The following ZNF385B variants were observed in gnomAD, a reference collection of about 807,000 sequenced individuals.
The protein encoded by ZNF385B is zinc finger protein 385B, also known as zinc finger protein 533.
ZNF385B carries 23 observed loss-of-function variants against 39.2 expected under a neutral mutation model. That is an observed-to-expected ratio of 0.59 (90% CI 0.42 to 0.83). The LOEUF is 0.83. ZNF385B is among the 40% of genes least tolerant of loss of function. ZNF385B has a pLI of 0.00. For missense variants in ZNF385B, 552 were observed against 598.9 expected, an observed-to-expected ratio of 0.92 and a Z score of 0.82; for synonymous variants, 205 against 222.6, an observed-to-expected ratio of 0.92 and a Z score of 0.70.
chr2:179,641,553 AT>A (rs922743716), intron 3 of ZNF385B, among the ~76,000 whole-genome samples: 1 of 152,182 alleles, frequency 6.6e-6, no homozygotes, highest in African/African-American at 2.4e-5. Context: ...GGAAATTACC[AT>A]TTTATAAATA....
chr2:179,549,188 T>A, intron 3 of ZNF385B, among the ~76,000 whole-genome samples: 1 of 149,644 alleles, frequency 6.7e-6, no homozygotes. Flanking sequence ...TGTATGGATT[T>A]CCCAAATTTT....
intron 1 of ZNF385B, among the ~76,000 whole-genome samples, chr2:179,837,961 C>T (rs1708337967): frequency 6.6e-6 from 1 of 152,208 alleles, no homozygotes; most frequent in South Asian, 2.1e-4. Flanking sequence ...GAAATTTTAT[C>T]TTTTAACTTT....
intron 3 of ZNF385B, among the ~76,000 whole-genome samples, chr2:179,691,776 T>C (rs1263809702): frequency 6.6e-6 from 1 of 152,182 alleles, no homozygotes; most frequent in Admixed American, 6.5e-5. Flanking sequence ...ACATTTAAAC[T>C]AAAAATTATT....
intron 3 of ZNF385B, among the ~76,000 whole-genome samples, chr2:179,649,767 G>A (rs934032699): frequency 6.6e-6 from 1 of 152,046 alleles, no homozygotes; most frequent in African/African-American, 2.4e-5. Flanking sequence ...AATAAGCATT[G>A]GAGGTTTGGG....
chr2:179,795,709 A>T (rs1479110538), intron 1 of ZNF385B, among the ~76,000 whole-genome samples: 1 of 152,176 alleles, frequency 6.6e-6, no homozygotes, highest in African/African-American at 2.4e-5. Flanking sequence ...TGAAATAAGG[A>T]ATGGTCTCAG....
intron 3 of ZNF385B, among the ~76,000 whole-genome samples, chr2:179,630,788 T>C (rs888034181): frequency 6.6e-5 from 10 of 152,094 alleles, no homozygotes; most frequent in African/African-American, 2.4e-4. Flanking sequence ...ATTAGAGGAA[T>C]GGCTAACTAG....
In ZNF385B at chr2:179,483,415, T is replaced by C. The variant is rs780585420; in HGVS notation, c.572A>G (p.Tyr191Cys). The change falls in exon 6 of 10, where the codon TAC (tyrosine) becomes TGC (cysteine). Residue 191 changes from tyrosine to cysteine, a missense_variant. Transcript: ENST00000410066. The part of the protein sequence containing the change: ...FNSDSQAEAH[Y>C]KGSKHAKKVK... ...CTTCTTGGCATGTTTACTTCCTTTG[T>C]AGTGGGCCTCGGCCTGGCTCTACAA... 6.2e-7 allele frequency: 1 copy of C among 1,614,022 alleles called. No homozygotes were observed. Among genetic ancestry groups the C allele is most frequent in the Non-Finnish European group, 8.5e-7 (1 of 1,179,888 alleles).
chr2:179,838,928 A>AC (rs71401764), intron 1 of ZNF385B, among the ~76,000 whole-genome samples: 1 of 131,068 alleles, frequency 7.6e-6, no homozygotes, highest in African/African-American at 2.8e-5. Context: ...CCAAAAAAAA[A>AC]GGGGGGGGGG....
At chr2:179,827,361 C>A (rs560115028) in intron 1 of ZNF385B, among the ~76,000 whole-genome samples, 9 of 152,110 alleles carry the variant, frequency 5.9e-5, no homozygotes, top group African/African-American at 2.2e-4. Context: ...AATTCTGTCC[C>A]GTAAGCAATA....
chr2:179,596,768 A>G (rs1688034055), intron 3 of ZNF385B, among the ~76,000 whole-genome samples: 2 of 152,204 alleles, frequency 1.3e-5, no homozygotes, highest in South Asian at 4.1e-4. Flanking sequence ...TAGACTGATA[A>G]TATCTCAAAT....
In ZNF385B at chr2:179,443,397, C is replaced by A. The variant is rs756014204; in HGVS notation, c.1314G>T (p.Ala438=). ...ACAGCGCTGAGGACACGGCTGCCGCCGCTGCGAGAGGTGAGGACAGGAAGG... is the reference window on the plus strand; with the variant it reads ...ACAGCGCTGAGGACACGGCTGCCGCAGCTGCGAGAGGTGAGGACAGGAAGG... The part of the protein sequence containing the change: ...APAFLSSPLA[A]AAAVSSALSL... The change falls in exon 10 of 10, where the codon GCG becomes GCT. Residue 438 remains alanine, a synonymous_variant. Coordinates refer to ENST00000410066, the MANE Select transcript of ZNF385B (RefSeq NM_152520.6). 1.2e-6 allele frequency: 2 copies of A among 1,611,700 alleles called. No homozygotes were observed. Among genetic ancestry groups the A allele is most frequent in the Non-Finnish European group, 1.7e-6 (2 of 1,179,260 alleles).
chr2:179,598,040 G>A (rs1360880037), intron 3 of ZNF385B, among the ~76,000 whole-genome samples: 1 of 152,100 alleles, frequency 6.6e-6, no homozygotes, highest in Non-Finnish European at 1.5e-5. Context: ...GGTAATTACA[G>A]TATACCCTGT....
intron 1 of ZNF385B, among the ~76,000 whole-genome samples, chr2:179,830,274 G>A (rs1470361553): frequency 6.6e-6 from 1 of 152,230 alleles, no homozygotes; most frequent in Non-Finnish European, 1.5e-5. Context: ...ATTCATTGCT[G>A]TGGAGATGCA....
chr2:179,489,767 G>A (rs2105639864), intron 5 of ZNF385B, among the ~76,000 whole-genome samples: 1 of 152,292 alleles, frequency 6.6e-6, no homozygotes, highest in South Asian at 2.1e-4. Context: ...TTTTTCTGCT[G>A]ATATTTGCAA....
intron 3 of ZNF385B, among the ~76,000 whole-genome samples, chr2:179,609,277 T>C (rs1163650454): frequency 1.3e-5 from 2 of 152,022 alleles, no homozygotes; most frequent in Non-Finnish European, 2.9e-5. Context: ...TCTCCATGAG[T>C]TCAATTGTGT....
intron 1 of ZNF385B, among the ~76,000 whole-genome samples, chr2:179,831,651 G>C (rs747781526): frequency 2.0e-5 from 3 of 152,134 alleles, no homozygotes; most frequent in Non-Finnish European, 2.9e-5. Context: ...GCAGATACCA[G>C]TGCTCTCATG....
At chr2:179,759,744 T>C (rs1011090356) in intron 3 of ZNF385B, among the ~76,000 whole-genome samples, 1 of 152,114 alleles carries the variant, frequency 6.6e-6, no homozygotes, top group African/African-American at 2.4e-5. Context: ...AGATCTGTCA[T>C]TGTTCTTAGC....
intron 3 of ZNF385B, among the ~76,000 whole-genome samples, chr2:179,596,709 C>T (rs1263779010): frequency 6.6e-6 from 1 of 152,136 alleles, no homozygotes; most frequent in African/African-American, 2.4e-5. Flanking sequence ...TTTCCTATGC[C>T]ACACTTTCAG....
At chr2:179,651,116 A>G (rs898183889) in intron 3 of ZNF385B, among the ~76,000 whole-genome samples, 8 of 151,482 alleles carry the variant, frequency 5.3e-5, no homozygotes, top group African/African-American at 2.0e-4. Context: ...CAATGTCTTC[A>G]GAATACATGT....
Sources: gnomAD v4.1 joint callset for allele counts (sites outside exome capture counted in the v4.1 genomes callset) on GRCh38, gnomAD v4.1.1 for gene constraint, MANE v1.5 for transcripts, NCBI Gene and HGNC (gene_info 2026-07-23, HGNC 2026-07-21) for gene names.